The following HTR1E variants were observed in gnomAD, a reference collection of about 807,000 sequenced individuals.
HTR1E encodes 5-HT-1E.
In HTR1E, 3 loss-of-function variants were observed where a neutral mutation model predicts 3.4. That is an observed-to-expected ratio of 0.89 (90% CI 0.41 to 2.31). The LOEUF is 2.31. HTR1E is among the 30% of genes most tolerant of loss of function. The pLI is 0.05. For missense variants in HTR1E, 392 were observed against 467.0 expected (o/e 0.84, Z 1.48); for synonymous variants, 170 against 182.8 (o/e 0.93, Z 0.56).
At chr6:87,003,806 C>CA (rs928973460) in intron 1 of HTR1E, among the ~76,000 whole-genome samples, 20 of 151,428 alleles carry the variant, frequency 1.3e-4, no homozygotes, top group Admixed American at 7.9e-4. Flanking sequence ...ACAAAAAATA[C>CA]AAAAAAACAA....
At chr6:87,001,665 T>G (rs923551628) in intron 1 of HTR1E, among the ~76,000 whole-genome samples, 2 of 152,216 alleles carry the variant, frequency 1.3e-5, no homozygotes, top group South Asian at 4.1e-4. Context: ...GAAGCAATCA[T>G]GACAAATGAA....
chr6:87,010,211 A>T lies in HTR1E; in HGVS notation c.-185-4939A>T, dbSNP rs1739451001. ...GCCGACCCCCCCACCTCCCTCCCGG[A>T]TGGGGTGGCTGGCCGGGCTGAGGGG... On this transcript the variant is annotated intron_variant, in intron 1 of 1. Transcript: ENST00000305344. Among the ~76,000 whole-genome samples, 3 of 89,740 alleles carry T rather than the reference A, an allele frequency of 3.3e-5. 1 individual carries two copies. The highest frequency in any genetic ancestry group is 1.0e-3 in the East Asian group (2 of 1,990). 58.9% of individuals were successfully genotyped at this position (89,740 alleles called of 152,430 possible).
At chr6:86,945,937 CTA>C (rs1274541669) in intron 1 of HTR1E, among the ~76,000 whole-genome samples, 1 of 152,072 alleles carries the variant, frequency 6.6e-6, no homozygotes, top group East Asian at 1.9e-4. Context: ...TGGGGATTCA[CTA>C]TGTTGGCCAG....
At chr6:87,008,810 A>C (rs897210919) in intron 1 of HTR1E, among the ~76,000 whole-genome samples, 2 of 152,218 alleles carry the variant, frequency 1.3e-5, no homozygotes, top group Non-Finnish European at 2.9e-5. Flanking sequence ...TTAAAATATT[A>C]TAAGATGATC....
At chr6:86,947,873 TA>T (rs945204503) in intron 1 of HTR1E, among the ~76,000 whole-genome samples, 1 of 152,182 alleles carries the variant, frequency 6.6e-6, no homozygotes, top group African/African-American at 2.4e-5. Context: ...TTCCTTTTTT[TA>T]AAAAATTTTA....
chr6:86,991,582 T>C (rs1372267612), intron 1 of HTR1E, among the ~76,000 whole-genome samples: 4 of 152,168 alleles, frequency 2.6e-5, no homozygotes, highest in African/African-American at 9.7e-5. Flanking sequence ...GACAGAAGAC[T>C]TGAGAAAACT....
At chr6:87,010,469 G>A (rs1322570731) in intron 1 of HTR1E, among the ~76,000 whole-genome samples, 14 of 150,384 alleles carry the variant, frequency 9.3e-5, no homozygotes, top group South Asian at 2.2e-4. Context: ...CCTCCCAGAC[G>A]GGGTCTCGGC....
intron 1 of HTR1E, among the ~76,000 whole-genome samples, chr6:86,975,951 T>C (rs1432547109): frequency 6.6e-6 from 1 of 151,340 alleles, no homozygotes; most frequent in Admixed American, 6.6e-5. Context: ...ACACACACTC[T>C]CTCTCTCTCT....
At chr6:87,005,603 A>C (rs1048217301) in intron 1 of HTR1E, among the ~76,000 whole-genome samples, 1 of 152,200 alleles carries the variant, frequency 6.6e-6, no homozygotes, top group African/African-American at 2.4e-5. Flanking sequence ...AGTGGATTAA[A>C]GACTTAAATC....
intron 1 of HTR1E, among the ~76,000 whole-genome samples, chr6:86,982,273 A>G (rs1157178168): frequency 6.6e-6 from 1 of 152,214 alleles, no homozygotes; most frequent in East Asian, 1.9e-4. Context: ...AACTGTCTCT[A>G]GAGAACATTC....
intron 1 of HTR1E, among the ~76,000 whole-genome samples, chr6:86,957,854 A>G (rs1044180082): frequency 2.0e-5 from 3 of 152,188 alleles, no homozygotes; most frequent in African/African-American, 4.8e-5. Context: ...GCAAAAGCCT[A>G]CAGGAGCACA....
chr6:86,947,671 T>TA (rs1767140869), intron 1 of HTR1E, among the ~76,000 whole-genome samples: 2 of 152,202 alleles, frequency 1.3e-5, no homozygotes, highest in Non-Finnish European at 2.9e-5. Flanking sequence ...GTATGTTATA[T>TA]ACTTTTCTTG....
intron 1 of HTR1E, among the ~76,000 whole-genome samples, chr6:86,949,484 T>C (rs1234798076): frequency 6.6e-6 from 1 of 152,210 alleles, no homozygotes; most frequent in Non-Finnish European, 1.5e-5. Context: ...CTCTTTTCTC[T>C]GCTTGTTGTT....
chr6:86,972,204 T>C (rs1767567676), intron 1 of HTR1E, among the ~76,000 whole-genome samples: 1 of 152,204 alleles, frequency 6.6e-6, no homozygotes, highest in Non-Finnish European at 1.5e-5. Flanking sequence ...AAATAATGGC[T>C]GAAACATTAT....
chr6:86,997,457 A>C (rs1239519065), intron 1 of HTR1E, among the ~76,000 whole-genome samples: 4 of 151,840 alleles, frequency 2.6e-5, no homozygotes, highest in Non-Finnish European at 5.9e-5. Context: ...AATAATCTAC[A>C]AAAAAACTCA....
intron 1 of HTR1E, among the ~76,000 whole-genome samples, chr6:86,946,355 T>G (rs555722733): frequency 6.6e-6 from 1 of 152,358 alleles, no homozygotes; most frequent in Non-Finnish European, 1.5e-5. Context: ...TGTGTTACAT[T>G]TGCCTACAGT....
At chr6:86,964,189 A>G (rs1389863357) in intron 1 of HTR1E, among the ~76,000 whole-genome samples, 1 of 152,212 alleles carries the variant, frequency 6.6e-6, no homozygotes, top group African/African-American at 2.4e-5. Context: ...AAGAAAGCTC[A>G]TATAGCCATT....
chr6:86,950,378 G>A (rs114406917), intron 1 of HTR1E, among the ~76,000 whole-genome samples: 91 of 152,264 alleles, frequency 6.0e-4, no homozygotes, highest in African/African-American at 2.1e-3. Context: ...GAGATGAAGT[G>A]CACGGAAGGA....
At chr6:86,973,249 T>C (rs994616798) in intron 1 of HTR1E, among the ~76,000 whole-genome samples, 1 of 152,098 alleles carries the variant, frequency 6.6e-6, no homozygotes, top group Non-Finnish European at 1.5e-5. Flanking sequence ...ATTAGGAGGC[T>C]GTTGCAATAG....
Sources: gnomAD v4.1 joint callset for allele counts (sites outside exome capture counted in the v4.1 genomes callset) on GRCh38, gnomAD v4.1.1 for gene constraint, MANE v1.5 for transcripts, NCBI Gene and HGNC (gene_info 2026-07-23, HGNC 2026-07-21) for gene names.